The following EPHB2 variants were observed in gnomAD, a reference collection of about 807,000 sequenced individuals.
EPHB2 encodes EPH receptor B2, also known as ephrin type-B receptor 2.
Under a neutral mutation model 96.4 loss-of-function variants are expected in EPHB2, and 18 were observed. The ratio of observed to expected loss-of-function variants is 0.19; its 90% CI spans 0.13 to 0.28. The LOEUF is 0.28. EPHB2 is among the 10% of genes least tolerant of loss of function. The pLI, the probability that EPHB2 is intolerant of heterozygous loss-of-function variation, is 1.00. For synonymous variants in EPHB2, 506 were observed against 534.1 expected (o/e 0.95, Z 0.72); for missense variants, 989 against 1,355.4 (o/e 0.73, Z 4.25).
Position 22,913,764 on chromosome 1 carries a change from G to A in EPHB2, c.*194G>A. On this transcript the variant is annotated 3_prime_UTR_variant, in exon 16 of 16. Transcript: ENST00000374630. The surrounding 1 kb of genome is among the most constrained non-coding windows in gnomAD (Gnocchi z 4.1). ...AACTCAAACGACGGAAAAAAAAAGG[G>A]AATGGGAAAAAAGAAAACAGATCCT... 6.2e-7 allele frequency: 1 copy of A among 1,606,998 alleles called. No homozygotes were observed. The highest frequency in any genetic ancestry group is 8.5e-7 in the Non-Finnish European group (1 of 1,176,536).
chr1:22,859,303 G>A (rs866656418), intron 3 of EPHB2, among the ~76,000 whole-genome samples: 8 of 150,738 alleles, frequency 5.3e-5, no homozygotes, highest in South Asian at 2.1e-4. Flanking sequence ...CTGGTGGGGG[G>A]GGGGGTATTG....
intron 1 of EPHB2, among the ~76,000 whole-genome samples, chr1:22,732,043 G>A (rs1435804319): frequency 3.3e-5 from 5 of 152,226 alleles, no homozygotes; most frequent in African/African-American, 7.2e-5. Context: ...CCCCTCTAGC[G>A]GAGGAGATTC....
chr1:22,795,927 C>T (rs1304419795), intron 3 of EPHB2, among the ~76,000 whole-genome samples: 12 of 152,184 alleles, frequency 7.9e-5, no homozygotes, highest in Non-Finnish European at 1.8e-4. Context: ...CCTCTTCACA[C>T]GAGCCACGTG....
intron 14 of EPHB2, among the ~76,000 whole-genome samples, chr1:22,911,372 C>G (rs1365931099): frequency 6.6e-6 from 1 of 152,078 alleles, no homozygotes; most frequent in East Asian, 1.9e-4. Flanking sequence ...CATGCCTCTT[C>G]ACACACACAG....
At chr1:22,834,051 T>TAA (rs10644844) in intron 3 of EPHB2, among the ~76,000 whole-genome samples, 59,672 of 150,550 alleles carry the variant, frequency 0.4, 12,125 homozygotes, top group East Asian at 0.72. Context: ...CAAAACACTT[T>TAA]AAAAAAAAAA....
At chr1:22,879,316 GAGCCCCC>G (rs1266304794) in intron 5 of EPHB2, among the ~76,000 whole-genome samples, 1 of 152,248 alleles carries the variant, frequency 6.6e-6, no homozygotes, top group Non-Finnish European at 1.5e-5. Context: ...CACAAGGGAT[GAGCCCCC>G]AGATTGGCCC....
In EPHB2 at chr1:22,910,383, T is replaced by G; in HGVS notation, c.2504T>G (p.Val835Gly). Residue 835 changes from valine (V) to glycine (G), a missense_variant and splice_region_variant, in exon 14 of 16, where the codon GTA becomes GGA. Physicochemically the swap from Val to Gly is moderately radical, Grantham distance 109. Transcript: ENST00000374630. ...RPYWDMTNQD[V>G]INAIEQDYRL... ...CACTGCACTCCTGCATTGTCCCAGG[T>G]AATCAATGCCATTGAGCAGGACTAT... 3 of 1,614,146 alleles carry G rather than the reference T, an allele frequency of 1.9e-6. No homozygotes were observed. The highest frequency in any genetic ancestry group is 2.5e-6 in the Non-Finnish European group (3 of 1,180,008).
chr1:22,719,806 C>G (rs1643395352), intron 1 of EPHB2, among the ~76,000 whole-genome samples: 1 of 152,168 alleles, frequency 6.6e-6, no homozygotes, highest in African/African-American at 2.4e-5. Flanking sequence ...GAAGGGAGAG[C>G]TACAAAAAGT....
intron 3 of EPHB2, among the ~76,000 whole-genome samples, chr1:22,788,019 C>T (rs1379684401): frequency 6.6e-6 from 1 of 152,220 alleles, no homozygotes; most frequent in Non-Finnish European, 1.5e-5. Flanking sequence ...CCAGCAAACA[C>T]CCAAGACAGA....
rs749643372 is a variant in EPHB2, at chr1:22,908,098, A to G, written c.2282A>G (p.Lys761Arg). 11 of 1,614,214 alleles carry G rather than the reference A, an allele frequency of 6.8e-6. No homozygotes were observed. The highest frequency in any genetic ancestry group is 9.3e-6 in the Non-Finnish European group (11 of 1,180,038). Reference protein sequence around the residue: ...NILVNSNLVCKVSDFGLSRFL... With the variant: ...NILVNSNLVCRVSDFGLSRFL... ...CTCGTCAACAGCAACCTGGTCTGCA[A>G]GGTGTCGGACTTTGGGCTCTCACGC... Residue 761 changes from lysine (K) to arginine (R), a missense_variant, in exon 12 of 16, where the codon AAG (lysine) becomes AGG (arginine). Transcript: ENST00000374630.
At chr1:22,892,616 C>T (rs1414458558) in intron 6 of EPHB2, among the ~76,000 whole-genome samples, 1 of 152,174 alleles carries the variant, frequency 6.6e-6, no homozygotes, top group African/African-American at 2.4e-5. Flanking sequence ...ATCATGTCCA[C>T]TAGAATGTTC....
intron 5 of EPHB2, among the ~76,000 whole-genome samples, chr1:22,868,557 T>C (rs1283340433): frequency 1.3e-5 from 2 of 152,310 alleles, no homozygotes; most frequent in East Asian, 1.9e-4. Flanking sequence ...AGAATGTGAT[T>C]TGGGTTCAGC....
intron 3 of EPHB2, among the ~76,000 whole-genome samples, chr1:22,798,172 C>G (rs1381954895): frequency 6.6e-6 from 1 of 152,146 alleles, no homozygotes; most frequent in African/African-American, 2.4e-5. Context: ...TCAATAAATA[C>G]TTGTTGCAGA....
intron 1 of EPHB2, among the ~76,000 whole-genome samples, chr1:22,714,452 TAGAA>T (rs1643241428): frequency 2.0e-5 from 3 of 152,148 alleles, no homozygotes; most frequent in Admixed American, 1.3e-4. Flanking sequence ...TATATGTCCA[TAGAA>T]AGACATGGAG....
chr1:22,778,778 C>T (rs1408339986), intron 1 of EPHB2, among the ~76,000 whole-genome samples: 3 of 152,320 alleles, frequency 2.0e-5, no homozygotes, highest in Non-Finnish European at 4.4e-5. Flanking sequence ...CAGTGGGGCC[C>T]CCCACCCTAA....
intron 1 of EPHB2, among the ~76,000 whole-genome samples, chr1:22,738,497 G>A (rs1557645259): frequency 6.6e-6 from 1 of 152,188 alleles, no homozygotes; most frequent in Non-Finnish European, 1.5e-5. Flanking sequence ...CATTGCAGAT[G>A]AGAAAACCAA....
chr1:22,896,611 T>C, intron 9 of EPHB2, 133 bp downstream of exon 9: 1 of 1,207,632 alleles, frequency 8.3e-7, no homozygotes, highest in South Asian at 1.3e-5. Context: ...CTGGTTGCAC[T>C]AAGCTCACTC....
intron 3 of EPHB2, among the ~76,000 whole-genome samples, chr1:22,800,734 G>A (rs1047328244): frequency 6.6e-6 from 1 of 151,000 alleles, no homozygotes; most frequent in African/African-American, 2.4e-5. Context: ...GCACGCACAT[G>A]GCTGGATCAA....
chr1:22,809,611 G>A (rs574932671), intron 3 of EPHB2, among the ~76,000 whole-genome samples: 245 of 152,286 alleles, frequency 1.6e-3, no homozygotes, highest in African/African-American at 5.6e-3. Flanking sequence ...TGAGGAAACT[G>A]ACTCCCAGCA....
Sources: gnomAD v4.1 joint callset for allele counts (sites outside exome capture counted in the v4.1 genomes callset) on GRCh38, gnomAD v4.1.1 for gene constraint, Gnocchi (gnomAD v3.1) non-coding constraint, MANE v1.5 for transcripts, NCBI Gene and HGNC (gene_info 2026-07-23, HGNC 2026-07-21) for gene names.